RRAGC: variants seen among roughly 807,000 people sequenced by gnomAD.
The protein encoded by RRAGC is ras-related GTP-binding protein C.
Under a neutral mutation model 37.1 loss-of-function variants are expected in RRAGC, and 8 were observed. That is an observed-to-expected ratio of 0.22 (90% CI 0.13 to 0.39). The LOEUF (loss-of-function observed/expected upper bound fraction) is 0.39. Among genes scored for constraint, RRAGC ranks in the 10% least tolerant of loss-of-function variants. The pLI, the probability that RRAGC is intolerant of heterozygous loss-of-function variation, is 1.00. For missense variants in RRAGC, 342 were observed against 497.6 expected (o/e 0.69, Z 2.98); for synonymous variants, 190 against 181.1 (o/e 1.05, Z -0.39).
intron 1 of RRAGC, 106 bp downstream of exon 1, chr1:38,859,304 G>T: frequency 9.6e-7 from 1 of 1,045,620 alleles, no homozygotes; most frequent in East Asian, 2.7e-5. Context: ...AAAGTGCGGA[G>T]GGACGGAGCG....
At chr1:38,850,581 T>G (rs75547095) in intron 5 of RRAGC, among the ~76,000 whole-genome samples, 3,381 of 151,754 alleles carry the variant, frequency 0.022, 125 homozygotes, top group African/African-American at 0.076. Flanking sequence ...GTTAAAGGAA[T>G]AGACAGATAT....
chr1:38,839,160 A>C lies in RRAGC; in HGVS notation c.*393T>G, dbSNP rs2124210238. 6.1e-6 allele frequency: 1 copy of C among 163,378 alleles called. No homozygotes were observed. The highest frequency in any genetic ancestry group is 1.3e-5 in the Non-Finnish European group (1 of 75,668). 10.1% of individuals were successfully genotyped at this position (163,378 alleles called of 1,614,324 possible). On this transcript the variant is annotated 3_prime_UTR_variant, in exon 7 of 7. Transcript: ENST00000373001. Reference sequence around the variant, plus strand: ...TAGAGTCTACTCAAATGAAAGCCTAAGTGAAGCATATAAAAATTCAGTCTT... The same window carrying C: ...TAGAGTCTACTCAAATGAAAGCCTACGTGAAGCATATAAAAATTCAGTCTT...
At position 38,845,979 on chromosome 1, in the gene RRAGC, T is replaced by C. The variant is rs767727259; in HGVS notation, c.1008A>G (p.Ala336=). Residue 336 remains alanine (A), a synonymous_variant, in exon 6 of 7, where the codon GCA becomes GCG. Transcript: ENST00000373001. The stretch of plus-strand genomic sequence containing the variant: ...TTTCTTCCCTTAGAATGCAGACCAG[T>C]GCCAAAAATTTAGTCACCTCCTTTA... ...LYLKEVTKFL[A]LVCILREESF... The C allele has an allele frequency of 2.2e-5, 35 of 1,613,336 alleles. No homozygotes were observed. The African/African-American group carries it at 4.0e-4, about 18-fold the overall frequency.
chr1:38,846,003 T>C lies in RRAGC; in HGVS notation c.984A>G (p.Leu328=). ...GTGCCAAAAATTTAGTCACCTCCTT[T>C]AAATAAAGGACAGTTGTATTATTCA... ...IKLNNTTVLY[L]KEVTKFLALV... Residue 328 remains leucine, a synonymous_variant, in exon 6 of 7, where the codon TTA becomes TTG. Coordinates refer to ENST00000373001, the MANE Select transcript of RRAGC (RefSeq NM_022157.4). 1 of 1,612,820 alleles carries C rather than the reference T, an allele frequency of 6.2e-7. No individual in the cohort carries two copies. The highest frequency in any genetic ancestry group is 1.1e-5 in the South Asian group (1 of 90,914).
At chr1:38,850,276 C>A (rs572550949) in intron 5 of RRAGC, among the ~76,000 whole-genome samples, 4 of 151,744 alleles carry the variant, frequency 2.6e-5, no homozygotes, top group Admixed American at 2.0e-4. Flanking sequence ...TTTGGGAGGC[C>A]GAGGCGGGTG....
chr1:38,843,717 C>T (rs1037357984), intron 6 of RRAGC, among the ~76,000 whole-genome samples: 1 of 71,906 alleles, frequency 1.4e-5, no homozygotes, highest in Non-Finnish European at 2.9e-5. Context: ...GAGACTGTCT[C>T]AAAAAAAAAA....
At chr1:38,857,154 T>A in intron 1 of RRAGC, 72 bp from the exon 2 acceptor site, 2 of 1,279,498 alleles carry the variant, frequency 1.6e-6, no homozygotes, top group Non-Finnish European at 1.1e-6. Context: ...CACCCTGGTT[T>A]AACATTTAAA....
In RRAGC at chr1:38,839,528, C is replaced by T. The variant is rs186958680; in HGVS notation, c.*25G>A. 4 of 1,612,816 alleles carry T rather than the reference C, an allele frequency of 2.5e-6. No individual in the cohort carries two copies. In the East Asian group the frequency reaches 6.7e-5, roughly 27 times the overall value. On this transcript the variant is annotated 3_prime_UTR_variant, in exon 7 of 7. Coordinates refer to ENST00000373001, the MANE Select transcript of RRAGC (RefSeq NM_022157.4). ...CCCTGGAGTGAAGAGTAAGCTGGCACAGAGCCCCGACGCTGGGATTCAGAC... is the reference window on the plus strand; with the variant it reads ...CCCTGGAGTGAAGAGTAAGCTGGCATAGAGCCCCGACGCTGGGATTCAGAC...
At position 38,851,620 on chromosome 1, in the gene RRAGC, T is replaced by C. The variant is rs747607019; in HGVS notation, c.894A>G (p.Ile298Met). 3.3e-6 allele frequency: 5 copies of C among 1,528,192 alleles called. No individual in the cohort carries two copies. The highest frequency in any genetic ancestry group is 2.3e-5 in the Admixed American group (1 of 42,768). The allele number at this position is 1,528,192 out of a possible 1,614,324, so 94.7% of individuals were successfully genotyped here. The part of the protein sequence containing the change: ...MIDVVIDVSC[I>M]YGLKEDGSGS... ...GGAATATATACATAACTTACCCATA[T>C]ATACAAGACACATCAATTACAACAT... Residue 298 changes from isoleucine to methionine, a missense_variant, in exon 5 of 7, where the codon ATA (isoleucine) becomes ATG (methionine). Ile to Met is a conservative substitution (Grantham distance 10, BLOSUM62 1). Around this residue, in one of 3 missense-constraint regions of RRAGC, gnomAD observed 104 missense variants for 127.0 expected, o/e 0.82. Transcript: ENST00000373001.
chr1:38,851,413 T>G, intron 5 of RRAGC: 1 of 386,702 alleles, frequency 2.6e-6, no homozygotes. Flanking sequence ...CTTTCCAACT[T>G]TTCTTAGCCA....
At chr1:38,846,200 T>C in intron 5 of RRAGC, 113 bp from the exon 6 acceptor site, 1 of 814,696 alleles carries the variant, frequency 1.2e-6, no homozygotes. Context: ...GAAAGAATAC[T>C]GGCTTAAACA....
At chr1:38,857,424 G>A (rs993900916) in intron 1 of RRAGC, among the ~76,000 whole-genome samples, 9 of 152,144 alleles carry the variant, frequency 5.9e-5, no homozygotes, top group Non-Finnish European at 1.0e-4. Context: ...GATTATAAAA[G>A]TCTTACAGCT....
At chr1:38,859,221 C>G (rs1174177535) in intron 1 of RRAGC, among the ~76,000 whole-genome samples, 189 bp downstream of exon 1, 2 of 152,388 alleles carry the variant, frequency 1.3e-5, no homozygotes, top group Admixed American at 1.3e-4. Context: ...TTGGCTTCAG[C>G]TGACTTGGGC....
chr1:38,846,074 C>T lies in RRAGC; in HGVS notation c.913G>A (p.Gly305Arg). 1 of 1,608,844 alleles carries T rather than the reference C, an allele frequency of 6.2e-7. No individual in the cohort carries two copies. The highest frequency in any genetic ancestry group is 8.5e-7 in the Non-Finnish European group (1 of 1,177,208). The change falls in exon 6 of 7, where the codon GGA (glycine) becomes AGA (arginine). Residue 305 changes from glycine to arginine, a missense_variant. Around this residue, in one of 3 missense-constraint regions of RRAGC, gnomAD observed 104 missense variants for 127.0 expected, o/e 0.82. Coordinates refer to ENST00000373001, the MANE Select transcript of RRAGC (RefSeq NM_022157.4). ...TCTTTGTCATAAGCACTTCCACTTC[C>T]ATCTTCCTTTAACCTATTTTAAAAG... ...VSCIYGLKEDGSGSAYDKESM... is the reference protein window; with the variant it reads ...VSCIYGLKEDRSGSAYDKESM...
intron 6 of RRAGC, among the ~76,000 whole-genome samples, chr1:38,842,701 G>A (rs1195610911): frequency 1.3e-5 from 2 of 152,134 alleles, no homozygotes; most frequent in African/African-American, 2.4e-5. Context: ...ACGTGCAAAG[G>A]CAAACTTAAA....
chr1:38,839,570 G>A lies in RRAGC; in HGVS notation c.1183C>T (p.Pro395Ser). The change falls in exon 7 of 7, where the codon CCA (proline) becomes TCA (serine). Residue 395 changes from proline (P) to serine (S), a missense_variant. Transcript: ENST00000373001. ...SLKALTHNGT[P>S]RNAI is the part of the protein sequence containing the mutation. ...GATTCAGACTAGATGGCGTTTCGTG[G>A]CGTGCCATTGTGTGTCAGCGCTTTC... 1 of 1,614,078 alleles carries A rather than the reference G, an allele frequency of 6.2e-7. No homozygotes were observed. The highest frequency in any genetic ancestry group is 8.5e-7 in the Non-Finnish European group (1 of 1,180,020).
chr1:38,849,559 A>G (rs1439862768), intron 5 of RRAGC, among the ~76,000 whole-genome samples: 1 of 150,994 alleles, frequency 6.6e-6, no homozygotes, highest in Non-Finnish European at 1.5e-5. Context: ...GTGGTGGTGC[A>G]CCCCTGTAAT....
chr1:38,849,661 C>CT (rs756590693), intron 5 of RRAGC, among the ~76,000 whole-genome samples: 2 of 151,956 alleles, frequency 1.3e-5, no homozygotes, highest in Non-Finnish European at 2.9e-5. Flanking sequence ...GCACTCCAGC[C>CT]TGGGCGACAA....
intron 6 of RRAGC, among the ~76,000 whole-genome samples, chr1:38,843,876 T>C (rs1273184227): frequency 6.6e-6 from 1 of 152,110 alleles, no homozygotes; most frequent in East Asian, 1.9e-4. Context: ...CCTCCACATA[T>C]ATGTCAACTA....
Sources: gnomAD v4.1 joint callset for allele counts (sites outside exome capture counted in the v4.1 genomes callset) on GRCh38, gnomAD v4.1.1 for gene constraint, gnomAD v4.1.1 regional missense constraint, MANE v1.5 for transcripts, NCBI Gene and HGNC (gene_info 2026-07-23, HGNC 2026-07-21) for gene names.